Variants in URI1 observed in about 807,000 individuals in gnomAD.
The protein encoded by URI1 is URI1 prefoldin like chaperone.
In URI1, 39 loss-of-function variants were observed where a neutral mutation model predicts 60.2. The ratio of observed to expected loss-of-function variants is 0.65; its 90% confidence interval spans 0.50 to 0.85. The LOEUF (loss-of-function observed/expected upper bound fraction) is 0.85. URI1 is among the 40% of genes least tolerant of loss of function. The probability of loss-of-function intolerance (pLI) is 0.00; values close to 1 mark genes in which losing one functional copy is unlikely to be tolerated. For synonymous variants in URI1, 251 were observed against 236.8 expected, an observed-to-expected ratio of 1.06 and a Z score of -0.55; for missense variants, 691 against 665.9, an observed-to-expected ratio of 1.04 and a Z score of -0.42.
chr19:29,960,728 A>T (rs10409545), intron 1 of URI1, among the ~76,000 whole-genome samples: 2,470 of 152,264 alleles, frequency 0.016, 71 homozygotes, highest in African/African-American at 0.057. Flanking sequence ...TTTTATTTAG[A>T]GTATTTTAAG....
chr19:29,939,475 T>C (rs577268096), upstream of URI1, among the ~76,000 whole-genome samples: 24 of 151,992 alleles, frequency 1.6e-4, no homozygotes, highest in East Asian at 4.5e-3. Context: ...GGTTTCATCA[T>C]GTTGGCCAGG....
intron 1 of URI1, among the ~76,000 whole-genome samples, chr19:29,967,623 T>C (rs948705954): frequency 6.6e-6 from 1 of 152,174 alleles, no homozygotes; most frequent in Non-Finnish European, 1.5e-5. Context: ...AGGAACTAAC[T>C]AGTGGAGGAG....
At chr19:29,955,847 C>T (rs1041696926) in intron 1 of URI1, among the ~76,000 whole-genome samples, 1 of 151,494 alleles carries the variant, frequency 6.6e-6, no homozygotes, top group Non-Finnish European at 1.5e-5. Context: ...CTCCTTGGCC[C>T]CCCAAAGTGC....
chr19:29,946,075 C>A (rs866880433), intron 1 of URI1, among the ~76,000 whole-genome samples: 7 of 152,194 alleles, frequency 4.6e-5, no homozygotes, highest in African/African-American at 7.2e-5. Context: ...CTTCCCCCCC[C>A]CAAAGGTTTT....
Position 30,015,000 on chromosome 19 carries a change from G to A in URI1, c.1539G>A (p.Leu513=), listed in dbSNP as rs1208937944. 6.2e-7 allele frequency: 1 copy of A among 1,613,744 alleles called. No homozygotes were observed. The highest frequency in any genetic ancestry group is 8.5e-7 in the Non-Finnish European group (1 of 1,179,754). ...PTIPERKEVL[L]EASEETGKRV... Reference sequence around the variant, plus strand: ...TTCCAGAACGAAAGGAAGTTCTGTTGGAAGCATCTGAAGAAACTGGAAAGA... The same window carrying A: ...TTCCAGAACGAAAGGAAGTTCTGTTAGAAGCATCTGAAGAAACTGGAAAGA... The change falls in exon 11 of 11, where the codon TTG becomes TTA. Residue 513 remains leucine, a synonymous_variant. Coordinates refer to ENST00000392271, the MANE Select transcript of URI1 (RefSeq NM_003796.3).
chr19:29,931,812 T>C (rs548511773), intron 1 of URI1, among the ~76,000 whole-genome samples: 2 of 152,230 alleles, frequency 1.3e-5, no homozygotes, highest in African/African-American at 4.8e-5. Flanking sequence ...GATTGTTGTT[T>C]CCTACTACTT....
intron 4 of URI1, among the ~76,000 whole-genome samples, chr19:29,991,757 C>G (rs2055749528): frequency 6.6e-6 from 1 of 152,130 alleles, no homozygotes; most frequent in African/African-American, 2.4e-5. Context: ...AAAATTAATA[C>G]TCCCTATAAG....
intron 2 of URI1, 47 bp from the exon 3 acceptor site, chr19:29,985,176 A>T: frequency 3.5e-6 from 1 of 285,486 alleles, no homozygotes; most frequent in South Asian, 3.9e-5. Flanking sequence ...AAAAAAAAAA[A>T]AGAAAAATCG....
chr19:29,924,750 G>A (rs1253064315), intron 1 of URI1, among the ~76,000 whole-genome samples: 1 of 152,232 alleles, frequency 6.6e-6, no homozygotes, highest in South Asian at 2.1e-4. Context: ...CCGGGGTGGG[G>A]CTCCACTGCT....
intron 1 of URI1, among the ~76,000 whole-genome samples, chr19:29,962,400 A>G (rs2055337481): frequency 1.1e-5 from 1 of 90,206 alleles, no homozygotes; most frequent in South Asian, 4.4e-4. Flanking sequence ...TATTTATAGT[A>G]TCTTTTTTTT....
intron 1 of URI1, 37 bp from the exon 2 acceptor site, chr19:29,971,153 GCTC>G: frequency 6.2e-7 from 1 of 1,605,550 alleles, no homozygotes; most frequent in South Asian, 1.1e-5. Context: ...TCTGTGCATA[GCTC>G]TGTTTTTTCA....
Position 30,007,531 on chromosome 19 carries a change from A to C in URI1, c.579A>C (p.Ala193=), listed in dbSNP as rs1321768811. ...SKPKTSDIFE[A]DIANDVKSKD... is the part of the protein sequence containing the mutation. Reference sequence around the variant, plus strand: ...CAAAAACTTCAGATATTTTTGAAGCAGATATTGCAAATGATGTGAAATCCA... The same window carrying C: ...CAAAAACTTCAGATATTTTTGAAGCCGATATTGCAAATGATGTGAAATCCA... Residue 193 remains alanine, a synonymous_variant, in exon 7 of 11, where the codon GCA becomes GCC. Transcript: ENST00000392271. The C allele has an allele frequency of 1.2e-6, 2 of 1,613,572 alleles. No homozygotes were observed. Among genetic ancestry groups the C allele is most frequent in the Non-Finnish European group, 1.7e-6 (2 of 1,179,638 alleles).
At chr19:29,939,350 C>G (rs1248586375), upstream of URI1, among the ~76,000 whole-genome samples, 1 of 151,242 alleles carries the variant, frequency 6.6e-6, no homozygotes, top group African/African-American at 2.4e-5. Flanking sequence ...TCTCTGCTCA[C>G]TGCAACCTCT....
At chr19:29,957,356 C>G (rs1242376253) in intron 1 of URI1, among the ~76,000 whole-genome samples, 2 of 144,628 alleles carry the variant, frequency 1.4e-5, no homozygotes, top group African/African-American at 5.0e-5. Flanking sequence ...GATATTGTAA[C>G]AAAAAATTCT....
intron 2 of URI1, among the ~76,000 whole-genome samples, chr19:29,975,354 G>C (rs976574763): frequency 1.3e-5 from 2 of 151,870 alleles, no homozygotes; most frequent in African/African-American, 4.8e-5. Context: ...AGACAAGAAA[G>C]ACTATATATT....
upstream of URI1, among the ~76,000 whole-genome samples, chr19:29,941,671 A>C (rs990982678): frequency 6.6e-6 from 1 of 152,136 alleles, no homozygotes; most frequent in African/African-American, 2.4e-5. Context: ...TATCCTTGGA[A>C]AATTTCTTAG....
At chr19:30,006,715 C>T (rs1012335398) in intron 6 of URI1, among the ~76,000 whole-genome samples, 5 of 152,078 alleles carry the variant, frequency 3.3e-5, no homozygotes, top group African/African-American at 7.2e-5. Flanking sequence ...TATCTCATAA[C>T]AGGACGCATC....
At position 30,014,923 on chromosome 19, in the gene URI1, T is replaced by C; in HGVS notation, c.1462T>C (p.Ser488Pro). The C allele has an allele frequency of 6.2e-7, 1 of 1,613,318 alleles. No individual in the cohort carries two copies. The highest frequency in any genetic ancestry group is 1.1e-5 in the South Asian group (1 of 90,974). Residue 488 changes from serine (S) to proline (P), a missense_variant, in exon 11 of 11, where the codon TCA (serine) becomes CCA (proline). Ser to Pro is a moderately conservative substitution (Grantham distance 74). Coordinates refer to ENST00000392271, the MANE Select transcript of URI1 (RefSeq NM_003796.3). ...SGTVIEKEFV[S>P]PSLTPPPAIA... Reference sequence around the variant, plus strand: ...AACTGTTATAGAAAAAGAATTTGTATCACCTTCCTTAACACCACCCCCAGC... The same window carrying C: ...AACTGTTATAGAAAAAGAATTTGTACCACCTTCCTTAACACCACCCCCAGC...
At chr19:29,968,541 G>A (rs1188745119) in intron 1 of URI1, among the ~76,000 whole-genome samples, 2 of 140,550 alleles carry the variant, frequency 1.4e-5, no homozygotes, top group Non-Finnish European at 3.1e-5. Context: ...AAATTTCTAA[G>A]TTGTAGAAAT....
Sources: allele counts gnomAD v4.1 joint callset (sites outside exome capture counted in the v4.1 genomes callset), GRCh38; gene constraint gnomAD v4.1.1; transcripts MANE v1.5; gene names NCBI Gene and HGNC (gene_info 2026-07-23, HGNC 2026-07-21).